Variants in EXOC2 observed in about 807,000 individuals in gnomAD.
EXOC2 encodes SEC5-like 1.
A neutral mutation model predicts 131.8 loss-of-function variants in EXOC2; 70 were observed. The observed-to-expected ratio is 0.53, with a 90% CI of 0.44 to 0.65. The LOEUF (loss-of-function observed/expected upper bound fraction) is 0.65, where lower values mean the gene tolerates loss of function less well. Among genes scored for constraint, EXOC2 ranks in the 30% least tolerant of loss-of-function variants. The pLI, the probability that EXOC2 is intolerant of heterozygous loss-of-function variation, is 0.00. For missense variants in EXOC2, 923 were observed against 1,108.6 expected (o/e 0.83, Z 2.38); for synonymous variants, 411 against 398.4 (o/e 1.03, Z -0.38).
chr6:522,747 C>T (rs1765542360), intron 23 of EXOC2, among the ~76,000 whole-genome samples: 1 of 152,212 alleles, frequency 6.6e-6, no homozygotes, highest in Non-Finnish European at 1.5e-5. Flanking sequence ...CTCCAGGCCT[C>T]AGCCAGGTCT....
chr6:557,340 C>A (rs1236326986), intron 17 of EXOC2, among the ~76,000 whole-genome samples: 2 of 152,046 alleles, frequency 1.3e-5, no homozygotes, highest in African/African-American at 2.4e-5. Flanking sequence ...TAGAATTTGG[C>A]CGGGCGCAGT....
intron 21 of EXOC2, among the ~76,000 whole-genome samples, chr6:551,639 G>C (rs1383909744): frequency 1.3e-5 from 2 of 152,188 alleles, no homozygotes; most frequent in Non-Finnish European, 2.9e-5. Flanking sequence ...GAGTGCCTGA[G>C]GATTCAGAGT....
chr6:524,229 G>C (rs1321459274), intron 23 of EXOC2: 3 of 152,158 alleles, frequency 2.0e-5, no homozygotes, highest in Admixed American at 6.5e-5. Context: ...ATTACGTAGA[G>C]GTGTCATCTT....
intron 21 of EXOC2, 109 bp from the exon 22 acceptor site, chr6:549,400 C>CA (rs1757031422): frequency 8.1e-6 from 6 of 743,942 alleles, no homozygotes; most frequent in African/African-American, 1.8e-5. Flanking sequence ...CGTCAATATC[C>CA]AATGCTTTGC....
At chr6:641,826 A>G (rs184526489) in intron 1 of EXOC2, among the ~76,000 whole-genome samples, 1 of 152,256 alleles carries the variant, frequency 6.6e-6, no homozygotes, top group Non-Finnish European at 1.5e-5. Context: ...CAGACGTATA[A>G]CTGGTAACTC....
intron 24 of EXOC2, among the ~76,000 whole-genome samples, chr6:499,428 TAAAC>T (rs1190869911): frequency 1.6e-4 from 13 of 79,128 alleles, no homozygotes; most frequent in Non-Finnish European, 3.2e-4. Flanking sequence ...GACTCACAGT[TAAAC>T]ACACACACAC....
intron 4 of EXOC2, among the ~76,000 whole-genome samples, chr6:620,570 G>C (rs9504484): frequency 0.017 from 2,579 of 152,220 alleles, 69 homozygotes; most frequent in African/African-American, 0.059. Context: ...CAGTTACGCA[G>C]TGGGGAAAAC....
At chr6:677,936 A>T (rs10458185) in intron 1 of EXOC2, among the ~76,000 whole-genome samples, 6,994 of 57,454 alleles carry the variant, frequency 0.12, 269 homozygotes, top group East Asian at 0.41. Flanking sequence ...ATAATCTCTC[A>T]CACACACACA....
Position 491,454 on chromosome 6 carries a change from CTG to C in EXOC2, c.2560-270_2560-269del, listed in dbSNP as rs372955045. ...GATATCTCACTATGAAAAGTACAAA[CTG>C]TGTCATGATTTTCCAGCCATCTGTA... On this transcript the variant is annotated intron_variant, in intron 25 of 27. Transcript: ENST00000230449. Among the ~76,000 whole-genome samples, 359 of 152,382 alleles carry C rather than the reference CTG, an allele frequency of 2.4e-3. 1 individual carries two copies. Among genetic ancestry groups the C allele is most frequent in the African/African-American group, 8.2e-3 (339 of 41,588 alleles).
intron 4 of EXOC2, among the ~76,000 whole-genome samples, chr6:627,250 A>G (rs1761622773): frequency 2.0e-5 from 3 of 150,792 alleles, no homozygotes; most frequent in Admixed American, 2.0e-4. Flanking sequence ...ATCCAAAAAA[A>G]AAAAAAAAAA....
intron 1 of EXOC2, among the ~76,000 whole-genome samples, chr6:680,978 CA>C (rs34224498): frequency 0.14 from 20,917 of 152,058 alleles, 1,564 homozygotes; most frequent in African/African-American, 0.19. Context: ...GCAGAGACCT[CA>C]AAAGGCTGTG....
chr6:630,714 T>C (rs1361328767), intron 3 of EXOC2, among the ~76,000 whole-genome samples: 1 of 152,244 alleles, frequency 6.6e-6, no homozygotes, highest in African/African-American at 2.4e-5. Context: ...TTGCTATTTC[T>C]CATTCTTTTT....
chr6:589,330 C>G (rs1759400574), intron 11 of EXOC2, among the ~76,000 whole-genome samples: 1 of 151,224 alleles, frequency 6.6e-6, no homozygotes, highest in Non-Finnish European at 1.5e-5. Context: ...TGTCGAGCAC[C>G]TGCACGGTGT....
rs765331735 is a variant in EXOC2 at position 562,859 on chromosome 6, A to G, written c.1790-14T>C. ...ATCTCTTTATTTCTATATGAGAAGA[A>G]GCACACAAATACTTTATTATAATTA... On this transcript the variant is annotated splice_polypyrimidine_tract_variant and intron_variant, in intron 16 of 27. Coordinates refer to ENST00000230449, the MANE Select transcript of EXOC2 (RefSeq NM_018303.6). 1 of 1,560,402 alleles carries G rather than the reference A, an allele frequency of 6.4e-7. No homozygotes were observed. The highest frequency in any genetic ancestry group is 8.7e-7 in the Non-Finnish European group (1 of 1,150,178).
intron 12 of EXOC2, among the ~76,000 whole-genome samples, chr6:573,417 G>A (rs1453169425): frequency 1.3e-5 from 2 of 151,968 alleles, no homozygotes; most frequent in Non-Finnish European, 2.9e-5. Context: ...CTCCCGCCCC[G>A]CACTCCACTC....
chr6:550,085 G>A (rs1757065838), intron 21 of EXOC2, among the ~76,000 whole-genome samples: 1 of 152,250 alleles, frequency 6.6e-6, no homozygotes, highest in South Asian at 2.1e-4. Context: ...TGCTGGTGCG[G>A]TTCACCGAGG....
intron 24 of EXOC2, among the ~76,000 whole-genome samples, chr6:498,284 T>C (rs1357955912): frequency 6.6e-6 from 1 of 152,132 alleles, no homozygotes; most frequent in East Asian, 1.9e-4. Flanking sequence ...CCATGGCAAT[T>C]GATAATAGAC....
intron 25 of EXOC2, 120 bp from the exon 26 acceptor site, chr6:491,306 C>T: frequency 1.1e-6 from 1 of 914,570 alleles, no homozygotes; most frequent in Non-Finnish European, 1.8e-6. Context: ...GTAATACCAC[C>T]ATGGTGACCG....
rs1345361852 is a variant in EXOC2 at position 684,836 on chromosome 6, T to A, written c.-44+8183A>T. 2.0e-5 allele frequency among the ~76,000 whole-genome samples: 3 copies of A among 152,190 alleles called. No homozygotes were observed. The East Asian group carries it at 5.8e-4, about 29-fold the overall frequency. ...ATGAAACCACAACTGAAAGTAGTTT[T>A]AGAATCATAAAAGCAGTACTTTTTA... On this transcript the variant is annotated intron_variant, in intron 1 of 27. Coordinates refer to ENST00000230449, the MANE Select transcript of EXOC2 (RefSeq NM_018303.6).
Sources: allele counts gnomAD v4.1 joint callset (sites outside exome capture counted in the v4.1 genomes callset), GRCh38; gene constraint gnomAD v4.1.1; transcripts MANE v1.5; gene names NCBI Gene and HGNC (gene_info 2026-07-23, HGNC 2026-07-21).